Variants in MRTFA observed in about 807,000 individuals in gnomAD.
The protein encoded by MRTFA is myocardin related transcription factor A.
In MRTFA, 20 loss-of-function variants were observed where a neutral mutation model predicts 83.5. The observed-to-expected ratio is 0.24, with a 90% CI of 0.17 to 0.35. MRTFA has a LOEUF of 0.35. Ranked by LOEUF, MRTFA falls within the 10% of genes least tolerant of loss-of-function variation. The probability of loss-of-function intolerance (pLI) is 1.00; values close to 1 mark genes in which losing one functional copy is unlikely to be tolerated. For synonymous variants in MRTFA, 659 were observed against 541.2 expected, an observed-to-expected ratio of 1.22 and a Z score of -3.02; for missense variants, 1,200 against 1,224.7, an observed-to-expected ratio of 0.98 and a Z score of 0.30.
intron 3 of MRTFA, among the ~76,000 whole-genome samples, chr22:40,474,533 G>C (rs906552109): frequency 1.2e-4 from 18 of 152,154 alleles, no homozygotes; most frequent in Non-Finnish European, 1.8e-4. Flanking sequence ...GTACTAGTTG[G>C]TCAGCACATA....
intron 3 of MRTFA, among the ~76,000 whole-genome samples, chr22:40,464,223 C>T (rs984372619): frequency 1.1e-4 from 17 of 149,088 alleles, no homozygotes; most frequent in Non-Finnish European, 3.0e-5. Flanking sequence ...ATTGCTTGAA[C>T]CTGGGAGGCG....
At chr22:40,457,587 T>A (rs373728466) in intron 4 of MRTFA, among the ~76,000 whole-genome samples, 198 of 151,972 alleles carry the variant, frequency 1.3e-3, no homozygotes, top group African/African-American at 3.4e-3. Context: ...TAAGAAGAAA[T>A]TTTAACTCTG....
intron 3 of MRTFA, 153 bp from the exon 4 acceptor site, chr22:40,463,439 G>A: frequency 1.6e-6 from 1 of 637,286 alleles, no homozygotes; most frequent in South Asian, 1.9e-5. Context: ...AATTGCAGAA[G>A]TGGCCTGATA....
intron 3 of MRTFA, among the ~76,000 whole-genome samples, chr22:40,494,024 G>T (rs886861330): frequency 1.1e-4 from 16 of 152,120 alleles, no homozygotes; most frequent in Admixed American, 5.2e-4. Context: ...GTCTAAAGTG[G>T]GAGAGAGAAA....
chr22:40,634,400 A>G (rs552783089), intron 1 of MRTFA, among the ~76,000 whole-genome samples: 4 of 152,326 alleles, frequency 2.6e-5, no homozygotes, highest in South Asian at 4.1e-4. Flanking sequence ...GCCTATCAGG[A>G]AAACTTTCCA....
At chr22:40,439,301 A>G (rs1393633284) in intron 4 of MRTFA, among the ~76,000 whole-genome samples, 1 of 151,998 alleles carries the variant, frequency 6.6e-6, no homozygotes, top group African/African-American at 2.4e-5. Flanking sequence ...TCAGGAGTTC[A>G]AGACCAGCCT....
chr22:40,560,496 TA>T (rs569286613), intron 2 of MRTFA, among the ~76,000 whole-genome samples: 181 of 152,318 alleles, frequency 1.2e-3, no homozygotes, highest in African/African-American at 4.2e-3. Context: ...TATGATAATC[TA>T]GAGACAAGAC....
chr22:40,536,794 A>C (rs1311648814), intron 3 of MRTFA, among the ~76,000 whole-genome samples: 2 of 15,928 alleles, frequency 1.3e-4, no homozygotes, highest in African/African-American at 3.0e-4. Context: ...TGCCCGGCCG[A>C]GACCCCGTCT....
intron 1 of MRTFA, among the ~76,000 whole-genome samples, chr22:40,605,846 G>A (rs2056313542): frequency 6.6e-6 from 1 of 152,092 alleles, no homozygotes; most frequent in Non-Finnish European, 1.5e-5. Context: ...GGAGGTTCCT[G>A]GGAAGCTAAA....
At position 40,419,181 on chromosome 22, in the gene MRTFA, T is replaced by C; in HGVS notation, c.1557A>G (p.Pro519=). 6.3e-7 allele frequency: 1 copy of C among 1,586,346 alleles called. No individual in the cohort carries two copies. Among genetic ancestry groups the C allele is most frequent in the South Asian group, 1.1e-5 (1 of 88,176 alleles). The change falls in exon 12 of 15, where the codon CCA becomes CCG. Residue 519 remains proline (P), a synonymous_variant. Coordinates refer to ENST00000355630, the MANE Select transcript of MRTFA (RefSeq NM_020831.6). ...GAGCCAGGCCTGCTGCCACCAGGGC[T>C]GGCCCCGTGCTCAGCCGGGCCGCTG...
intron 3 of MRTFA, among the ~76,000 whole-genome samples, chr22:40,491,023 A>G (rs2054263247): frequency 6.6e-6 from 1 of 152,138 alleles, no homozygotes; most frequent in South Asian, 2.1e-4. Context: ...TCTACTCCCA[A>G]AGGATTTTCT....
intron 14 of MRTFA, among the ~76,000 whole-genome samples, chr22:40,413,137 CAAAAAAAA>C (rs35119560): frequency 2.1e-4 from 6 of 28,144 alleles, no homozygotes; most frequent in South Asian, 1.4e-3. Flanking sequence ...CACCCTGTCT[CAAAAAAAA>C]AAAAAAAAAA....
chr22:40,556,075 A>G (rs1368577328), intron 2 of MRTFA, among the ~76,000 whole-genome samples: 2 of 152,176 alleles, frequency 1.3e-5, no homozygotes, highest in Admixed American at 6.5e-5. Context: ...TAAGAAGTAT[A>G]CCAAGACACA....
At chr22:40,429,855 T>C in intron 6 of MRTFA, 88 bp from the exon 7 acceptor site, 1 of 1,358,452 alleles carries the variant, frequency 7.4e-7, no homozygotes, top group Non-Finnish European at 1.0e-6. Flanking sequence ...TCCTTCCTCC[T>C]GGGCAAGAGG....
chr22:40,419,085 G>A lies in MRTFA; in HGVS notation c.1653C>T (p.Pro551=), dbSNP rs8135911. Residue 551 remains proline (P), a synonymous_variant, in exon 12 of 15, where the codon CCC becomes CCT. Transcript: ENST00000355630. ...GCTCCGAGGGGGTGGGAGACACGGG[G>A]GGCGTGGAGCCCGTGCTGCCAAACT... 4.9e-5 allele frequency: 79 copies of A among 1,603,924 alleles called. 1 individual carries two copies. The Admixed American group carries it at 5.3e-4, about 11-fold the overall frequency.
At chr22:40,413,848 C>T (rs959466836) in intron 14 of MRTFA, among the ~76,000 whole-genome samples, 2 of 152,194 alleles carry the variant, frequency 1.3e-5, no homozygotes, top group African/African-American at 2.4e-5. Flanking sequence ...AGATGTTCCA[C>T]GTCACTAAAT....
At chr22:40,521,770 T>C (rs1375650619) in intron 3 of MRTFA, 2 of 152,124 alleles carry the variant, frequency 1.3e-5, no homozygotes, top group East Asian at 3.9e-4. Context: ...AGGGCTGGGA[T>C]TACAGGCATG....
chr22:40,481,192 G>C (rs1238784834), intron 3 of MRTFA, among the ~76,000 whole-genome samples: 1 of 152,102 alleles, frequency 6.6e-6, no homozygotes, highest in Admixed American at 6.5e-5. Flanking sequence ...GGATGTAAGA[G>C]GACGTCACAG....
At chr22:40,630,690 T>TA (rs1455107428) in intron 1 of MRTFA, among the ~76,000 whole-genome samples, 2 of 152,230 alleles carry the variant, frequency 1.3e-5, no homozygotes, top group Admixed American at 6.5e-5. Flanking sequence ...AGAAGTTTCT[T>TA]ATAATTAACT....
Sources: gnomAD v4.1 joint callset for allele counts (sites outside exome capture counted in the v4.1 genomes callset) on GRCh38, gnomAD v4.1.1 for gene constraint, MANE v1.5 for transcripts, NCBI Gene and HGNC (gene_info 2026-07-23, HGNC 2026-07-21) for gene names.